KCNT1: variants seen among roughly 807,000 people sequenced by gnomAD.
KCNT1 encodes potassium sodium-activated channel subfamily T member 1.
Under a neutral mutation model 147.8 loss-of-function variants are expected in KCNT1, and 78 were observed. The observed-to-expected ratio is 0.53, with a 90% CI of 0.44 to 0.64. KCNT1 has a LOEUF of 0.64. Ranked by LOEUF, KCNT1 falls within the 30% of genes least tolerant of loss-of-function variation. The pLI is 0.00. For synonymous variants in KCNT1, 867 were observed against 748.8 expected (o/e 1.16, Z -2.58); for missense variants, 1,419 against 1,750.3 (o/e 0.81, Z 3.38).
intron 24 of KCNT1, among the ~76,000 whole-genome samples, chr9:135,782,765 C>T (rs959811142): frequency 4.6e-5 from 7 of 152,232 alleles, no homozygotes; most frequent in African/African-American, 1.7e-4. Context: ...TGGAATTTCA[C>T]GTTCGTCTCC....
At position 135,770,854 on chromosome 9, in the gene KCNT1, C is replaced by G. The variant is rs1832704918; in HGVS notation, c.1770-3C>G. 6.4e-7 allele frequency: 1 copy of G among 1,563,676 alleles called. No homozygotes were observed. On this transcript the variant is annotated splice_region_variant and splice_polypyrimidine_tract_variant and intron_variant, in intron 17 of 30. Coordinates refer to ENST00000371757, the MANE Select transcript of KCNT1 (RefSeq NM_020822.3). ...ACCTGAAGTTGCCGGTGCCTCTGCC[C>G]AGGTATGGCGTGTGCCTCATCGGGC...
At chr9:135,733,187 CCGCACCTGCCCCCACACCTGCCTT>C (rs1830180133) in intron 2 of KCNT1, among the ~76,000 whole-genome samples, 1 of 145,168 alleles carries the variant, frequency 6.9e-6, no homozygotes, top group African/African-American at 2.5e-5. Flanking sequence ...ATACCTGCCC[CCGCACCTGCCCCCACACCTGCCTT>C]CACACCTGCC....
chr9:135,745,263 T>C (rs973051512), intron 2 of KCNT1, among the ~76,000 whole-genome samples: 14 of 152,160 alleles, frequency 9.2e-5, no homozygotes, highest in African/African-American at 3.1e-4. Context: ...CCTAGCCCTG[T>C]GGGCGGCTCC....
intron 6 of KCNT1, among the ~76,000 whole-genome samples, chr9:135,755,713 T>C (rs1055665906): frequency 6.9e-6 from 1 of 145,512 alleles, no homozygotes; most frequent in Non-Finnish European, 1.5e-5. Flanking sequence ...CCAGGCCCAG[T>C]GAATGCTGAG....
chr9:135,771,162 C>G (rs1191148112), intron 18 of KCNT1, 67 bp downstream of exon 18: 1 of 1,419,418 alleles, frequency 7.0e-7, no homozygotes, highest in East Asian at 2.4e-5. Context: ...GGCGGGACAC[C>G]GGCAGGTGAC....
chr9:135,712,482 C>T (rs1235996053), intron 1 of KCNT1, among the ~76,000 whole-genome samples: 1 of 152,108 alleles, frequency 6.6e-6, no homozygotes, highest in South Asian at 2.1e-4. Flanking sequence ...CCGTGTCTGG[C>T]TATGCCAGGG....
intron 2 of KCNT1, among the ~76,000 whole-genome samples, chr9:135,718,340 A>G (rs475589): frequency 0.65 from 98,286 of 152,002 alleles, 32,095 homozygotes; most frequent in East Asian, 0.83. Flanking sequence ...TGGAGGCCAT[A>G]GGGGGCCCAG....
intron 13 of KCNT1, among the ~76,000 whole-genome samples, chr9:135,768,279 G>T (rs1209592290): frequency 2.0e-5 from 1 of 49,446 alleles, no homozygotes; most frequent in Admixed American, 2.1e-4. Context: ...CGGTGGGGGG[G>T]GCACAGGGAT....
chr9:135,784,708 A>G, intron 26 of KCNT1, 53 bp from the exon 27 acceptor site: 1 of 1,608,686 alleles, frequency 6.2e-7, no homozygotes, highest in Non-Finnish European at 8.5e-7. Context: ...GGTGGCCAGG[A>G]GGCTCTGGGT....
At chr9:135,758,755 G>A (rs1831691917) in intron 10 of KCNT1, among the ~76,000 whole-genome samples, 1 of 152,208 alleles carries the variant, frequency 6.6e-6, no homozygotes, top group Non-Finnish European at 1.5e-5. Flanking sequence ...ACCCAGATCT[G>A]GCTTCCTGGT....
chr9:135,758,580 G>C, intron 10 of KCNT1, 72 bp downstream of exon 10: 1 of 1,245,334 alleles, frequency 8.0e-7, no homozygotes, highest in Non-Finnish European at 1.2e-6. Context: ...GGCCGGGCGA[G>C]GGGATACAGA....
intron 7 of KCNT1, 34 bp from the exon 8 acceptor site, chr9:135,757,122 A>G (rs1441901104): frequency 5.7e-5 from 18 of 316,220 alleles, no homozygotes; most frequent in South Asian, 1.1e-4. Flanking sequence ...CCCACCCTCC[A>G]TCGCCCCCGC....
At chr9:135,754,180 G>C (rs1226892484) in intron 5 of KCNT1, among the ~76,000 whole-genome samples, 187 bp downstream of exon 5, 2 of 152,194 alleles carry the variant, frequency 1.3e-5, no homozygotes, top group Non-Finnish European at 2.9e-5. Context: ...ACCAGGGTGG[G>C]GTGGGATGGA....
intron 2 of KCNT1, among the ~76,000 whole-genome samples, chr9:135,745,469 C>T (rs1010532443): frequency 2.6e-5 from 4 of 152,244 alleles, no homozygotes; most frequent in African/African-American, 9.6e-5. Context: ...AGCCTGGGAG[C>T]CACGGTGAGT....
At chr9:135,779,691 G>T (rs1477846455) in intron 24 of KCNT1, among the ~76,000 whole-genome samples, 2 of 152,256 alleles carry the variant, frequency 1.3e-5, no homozygotes, top group Non-Finnish European at 2.9e-5. Context: ...CGCGTGTGAG[G>T]CACTGGGAAT....
At chr9:135,771,950 G>T (rs11103182) in intron 18 of KCNT1, among the ~76,000 whole-genome samples, 102,599 of 152,180 alleles carry the variant, frequency 0.67, 34,922 homozygotes, top group African/African-American at 0.73. Flanking sequence ...CACGGTGGCT[G>T]CTGGGGCACC....
intron 2 of KCNT1, among the ~76,000 whole-genome samples, chr9:135,720,238 G>A (rs1486291309): frequency 6.6e-6 from 1 of 151,958 alleles, no homozygotes; most frequent in Admixed American, 6.5e-5. Context: ...CAGGGACAGG[G>A]TAGCTGGGAA....
At chr9:135,707,956 T>C (rs1410126577) in intron 1 of KCNT1, among the ~76,000 whole-genome samples, 3 of 152,212 alleles carry the variant, frequency 2.0e-5, no homozygotes, top group African/African-American at 7.2e-5. Context: ...GCCCCTCCCC[T>C]AAAGAGAGAC....
Position 135,777,318 on chromosome 9 carries a change from A to ACTCCAGCATCTGC in KCNT1, c.2350-18_2350-6dup. On this transcript the variant is annotated intron_variant, in intron 20 of 30. Coordinates refer to ENST00000371757, the MANE Select transcript of KCNT1 (RefSeq NM_020822.3). ...AACCACAGCCCTGACTCCAGCCCTG[A>ACTCCAGCATCTGC]CTCCAGCATCTGCCCCCAGGGCTGC... The ACTCCAGCATCTGC allele has an allele frequency of 6.2e-7, 1 of 1,606,896 alleles. No individual in the cohort carries two copies. The highest frequency in any genetic ancestry group is 8.5e-7 in the Non-Finnish European group (1 of 1,175,846).
Sources: allele counts gnomAD v4.1 joint callset (sites outside exome capture counted in the v4.1 genomes callset), GRCh38; gene constraint gnomAD v4.1.1; transcripts MANE v1.5; gene names NCBI Gene and HGNC (gene_info 2026-07-23, HGNC 2026-07-21).